CDH26: variants seen among roughly 807,000 people sequenced by gnomAD.
CDH26 encodes the protein cadherin 26, also known as cadherin-like protein 26.
A neutral mutation model predicts 90.3 loss-of-function variants in CDH26; 83 were observed. The ratio of observed to expected loss-of-function variants is 0.92; its 90% CI spans 0.77 to 1.10. The LOEUF is 1.10. Among genes scored for constraint, CDH26 ranks in the 50% least tolerant of loss-of-function variants. The probability of loss-of-function intolerance (pLI) is 0.00; values close to 1 mark genes in which losing one functional copy is unlikely to be tolerated. For synonymous variants in CDH26, 397 were observed against 396.3 expected (o/e 1.00, Z -0.02); for missense variants, 1,013 against 1,037.6 (o/e 0.98, Z 0.33).
At chr20:60,016,450 G>A (rs926634910), downstream of CDH26, among the ~76,000 whole-genome samples, 3 of 152,096 alleles carry the variant, frequency 2.0e-5, no homozygotes, top group Non-Finnish European at 2.9e-5. Flanking sequence ...ACTGATTTAT[G>A]TATGTTGATT....
intron 7 of CDH26, among the ~76,000 whole-genome samples, chr20:60,020,395 A>T (rs192701856): frequency 7.2e-5 from 11 of 152,260 alleles, no homozygotes; most frequent in Non-Finnish European, 1.6e-4. Flanking sequence ...CACTTGGGGT[A>T]GGGCATGCAG....
chr20:60,004,112 G>A (rs116484205), intron 16 of CDH26, among the ~76,000 whole-genome samples: 3,904 of 152,296 alleles, frequency 0.026, 181 homozygotes, highest in African/African-American at 0.09. Context: ...AGTGCTCCCA[G>A]CACTGGGAAC....
At chr20:60,005,384 A>G (rs1366315561) in intron 16 of CDH26, among the ~76,000 whole-genome samples, 2 of 152,052 alleles carry the variant, frequency 1.3e-5, no homozygotes, top group Non-Finnish European at 2.9e-5. Context: ...ATATGTCTAT[A>G]TGTATATGTA....
intron 7 of CDH26, among the ~76,000 whole-genome samples, chr20:60,021,849 TACACACACACACACACACAC>T (rs757813328): frequency 1.6e-4 from 7 of 42,618 alleles, no homozygotes; most frequent in Admixed American, 3.3e-4. Context: ...TCCTTATCTG[TACACACACACACACACACAC>T]ACACACACAC....
At chr20:60,001,227 T>G in intron 14 of CDH26, 116 bp from the exon 15 acceptor site, 4 of 1,229,266 alleles carry the variant, frequency 3.3e-6, no homozygotes, top group Non-Finnish European at 3.5e-6. Flanking sequence ...TGTTAATTTG[T>G]GTTTGCCTAT....
At position 60,029,449 on chromosome 20, in the gene CDH26, C is replaced by T. The variant is rs536192336; in HGVS notation, c.948-1782C>T. On this transcript the variant is annotated intron_variant, in intron 7 of 8. Transcript: ENST00000370991. The stretch of plus-strand genomic sequence containing the variant: ...ACAACATAGCACCTATAGTCAACAA[C>T]GTAGCATCTATAGTCAACAATGCAC... Among the ~76,000 whole-genome samples, 44 of 152,244 alleles carry T rather than the reference C, an allele frequency of 2.9e-4. 1 individual carries two copies. The South Asian group carries it at 5.8e-3, about 20-fold the overall frequency.
Position 59,984,806 on chromosome 20 carries a change from G to A in CDH26, c.708+1G>A, listed in dbSNP as rs1411368985. The A allele has an allele frequency of 1.3e-6, 2 of 1,597,440 alleles. No homozygotes were observed. Among genetic ancestry groups the A allele is most frequent in the Non-Finnish European group, 8.5e-7 (1 of 1,174,832 alleles). On this transcript the variant is annotated splice_donor_variant, in intron 6 of 17. Coordinates refer to ENST00000348616, the MANE Select transcript of CDH26 (RefSeq NM_177980.4). LOFTEE classifies it high-confidence loss of function. ...ACTCTCTGGCTGCTTAGATTATGAG[G>A]TTATGTGGATTTTATTATTTTTTTT...
In CDH26 at chr20:60,026,361, G is replaced by A. The variant is rs114420199; in HGVS notation, c.948-4870G>A. On this transcript the variant is annotated intron_variant, in intron 7 of 8. Coordinates refer to the CDH26 transcript ENST00000370991. ...GCCCAGTGCAATTCTATGAGCCCAC[G>A]AGAGTGGAGACAGCTCTCTGGCTGG... Among the ~76,000 whole-genome samples the A allele has an allele frequency of 5.3e-3, 798 of 150,700 alleles. 9 individuals carry two copies. Among genetic ancestry groups the A allele is most frequent in the African/African-American group, 0.018 (744 of 40,882 alleles).
At position 59,989,017 on chromosome 20, in the gene CDH26, C is replaced by G. The variant is rs141666357; in HGVS notation, c.1137C>G (p.Ala379=). ...GKLQPPRKAA[A]SATVSVQVTD... is the part of the protein sequence containing the mutation. ...TTCAGCCGCCAAGGAAGGCAGCAGC[C>G]AGCGCCACTGTGAGTGTGCAGGTGA... is the stretch of plus-strand genomic sequence containing the variant. The change falls in exon 9 of 18, where the codon GCC becomes GCG. Residue 379 remains alanine, a synonymous_variant. Coordinates refer to ENST00000348616, the MANE Select transcript of CDH26 (RefSeq NM_177980.4). 2.5e-6 allele frequency: 4 copies of G among 1,614,078 alleles called. No homozygotes were observed. In the African/African-American group the frequency reaches 5.3e-5, roughly 22 times the overall value.
At chr20:59,976,162 C>G (rs1163719864) in intron 4 of CDH26, among the ~76,000 whole-genome samples, 1 of 152,120 alleles carries the variant, frequency 6.6e-6, no homozygotes, top group African/African-American at 2.4e-5. Context: ...GAAGGTGTTC[C>G]TATGTGCTCA....
At chr20:60,018,345 ATTAT>A (rs2061922810), downstream of CDH26, among the ~76,000 whole-genome samples, 1 of 151,852 alleles carries the variant, frequency 6.6e-6, no homozygotes, top group Non-Finnish European at 1.5e-5. Context: ...TCCCCTTATT[ATTAT>A]TTAATGTTTT....
chr20:59,967,896 C>T (rs1206949678), intron 1 of CDH26, among the ~76,000 whole-genome samples: 39 of 118,788 alleles, frequency 3.3e-4, no homozygotes, highest in African/African-American at 1.5e-3. Flanking sequence ...TTCCTTCCTT[C>T]CTTCCTTCCT....
intron 13 of CDH26, 61 bp from the exon 14 acceptor site, chr20:59,999,525 T>G: frequency 7.1e-7 from 1 of 1,411,112 alleles, no homozygotes; most frequent in Admixed American, 1.7e-5. Context: ...TTTCCTTCTG[T>G]TTTTATTTCT....
At chr20:59,989,745 C>A (rs1172166372) in intron 9 of CDH26, among the ~76,000 whole-genome samples, 1 of 152,156 alleles carries the variant, frequency 6.6e-6, no homozygotes, top group Non-Finnish European at 1.5e-5. Flanking sequence ...CTTTTGTATT[C>A]TTTCCTTTGT....
In CDH26 at chr20:60,012,849, G is replaced by A; in HGVS notation, c.*119G>A. 3.5e-6 allele frequency: 3 copies of A among 859,114 alleles called. No homozygotes were observed. Among genetic ancestry groups the A allele is most frequent in the Non-Finnish European group, 5.4e-6 (3 of 558,976 alleles). 53.2% of individuals were successfully genotyped at this position (859,114 alleles called of 1,614,324 possible). On this transcript the variant is annotated 3_prime_UTR_variant, in exon 18 of 18. Transcript: ENST00000348616. ...AAGAAAAATTACCTTCTAGTCCTAG[G>A]ATGAGGACACACTATTAGTTTGAAT...
chr20:60,001,098 G>A (rs1371781873), intron 14 of CDH26, among the ~76,000 whole-genome samples: 1 of 152,140 alleles, frequency 6.6e-6, no homozygotes. Flanking sequence ...AAGAACATTA[G>A]CGTCTTCATG....
Position 60,012,577 on chromosome 20 carries a change from C to T in CDH26, c.2346C>T (p.His782=), listed in dbSNP as rs149717463. The T allele has an allele frequency of 6.8e-6, 11 of 1,614,016 alleles. No homozygotes were observed. In the South Asian group the frequency reaches 7.7e-5, roughly 11 times the overall value. ...AAGATGACCCCGGCTACCTACCTCA[C>T]GTCTACAGCGAGGAAGGGGAGTGTG... ...VLEDDPGYLP[H]VYSEEGECGG... is the part of the protein sequence containing the mutation. The change falls in exon 18 of 18, where the codon CAC becomes CAT. Residue 782 remains histidine (H), a synonymous_variant. Transcript: ENST00000348616.
In CDH26 at chr20:59,969,029, G is replaced by GT. The variant is rs1298537975; in HGVS notation, c.126+9dup. The stretch of plus-strand genomic sequence containing the variant: ...ATCTTACTAAGCAAACAAAGGTGAG[G>GT]TTTGGAAGTCAGTTTCTTAATATAT... On this transcript the variant is annotated splice_region_variant and intron_variant, in intron 2 of 17. Transcript: ENST00000348616. 1 of 1,580,484 alleles carries GT rather than the reference G, an allele frequency of 6.3e-7. No individual in the cohort carries two copies. Among genetic ancestry groups the GT allele is most frequent in the Non-Finnish European group, 8.7e-7 (1 of 1,150,692 alleles).
chr20:59,971,852 C>A, intron 3 of CDH26, 110 bp from the exon 4 acceptor site: 1 of 798,896 alleles, frequency 1.3e-6, no homozygotes, highest in Non-Finnish European at 2.0e-6. Context: ...TGTGCCATTG[C>A]TGGGTATAAT....
Sources: gnomAD v4.1 joint callset for allele counts (sites outside exome capture counted in the v4.1 genomes callset) on GRCh38, gnomAD v4.1.1 for gene constraint, MANE v1.5 for transcripts, NCBI Gene and HGNC (gene_info 2026-07-23, HGNC 2026-07-21) for gene names.